The following ARHGAP15 variants were observed in gnomAD, a reference collection of about 807,000 sequenced individuals.
ARHGAP15 encodes the protein rho GTPase-activating protein 15.
Under a neutral mutation model 63.7 loss-of-function variants are expected in ARHGAP15, and 51 were observed. The ratio of observed to expected loss-of-function variants is 0.80; its 90% CI spans 0.64 to 1.01. ARHGAP15 has a LOEUF of 1.01. ARHGAP15 is among the 50% of genes least tolerant of loss of function. The probability of loss-of-function intolerance (pLI) is 0.00; values close to 1 mark genes in which losing one functional copy is unlikely to be tolerated. For missense variants in ARHGAP15, 560 were observed against 564.6 expected, an observed-to-expected ratio of 0.99 and a Z score of 0.08; for synonymous variants, 191 against 193.8, an observed-to-expected ratio of 0.99 and a Z score of 0.12.
chr2:143,565,884 A>C (rs185329379), intron 11 of ARHGAP15, among the ~76,000 whole-genome samples: 3 of 152,276 alleles, frequency 2.0e-5, no homozygotes, highest in Admixed American at 6.5e-5. Flanking sequence ...TTTTGAAAGC[A>C]TGTCTTTTGT....
intron 2 of ARHGAP15, among the ~76,000 whole-genome samples, chr2:143,175,322 C>T (rs556697513): frequency 1.3e-5 from 2 of 152,124 alleles, no homozygotes; most frequent in African/African-American, 4.8e-5. Flanking sequence ...GTATTAACCA[C>T]ATAGTAAGTT....
intron 6 of ARHGAP15, among the ~76,000 whole-genome samples, chr2:143,320,678 G>A (rs751179998): frequency 1.3e-5 from 2 of 151,434 alleles, no homozygotes; most frequent in Non-Finnish European, 2.9e-5. Flanking sequence ...ACTAGACAGG[G>A]AAGCTTGGGA....
At chr2:143,570,168 C>A (rs1696394435) in intron 11 of ARHGAP15, among the ~76,000 whole-genome samples, 1 of 152,094 alleles carries the variant, frequency 6.6e-6, no homozygotes, top group African/African-American at 2.4e-5. Context: ...ATGAAGTAAT[C>A]TATTGTAATA....
chr2:143,729,857 T>C (rs1685449001), intron 13 of ARHGAP15, among the ~76,000 whole-genome samples: 1 of 152,224 alleles, frequency 6.6e-6, no homozygotes, highest in Non-Finnish European at 1.5e-5. Flanking sequence ...TCTTGACTAG[T>C]CTTCCATTTA....
At chr2:143,537,615 G>T (rs990168569) in intron 10 of ARHGAP15, among the ~76,000 whole-genome samples, 1 of 152,154 alleles carries the variant, frequency 6.6e-6, no homozygotes, top group South Asian at 2.1e-4. Context: ...AGTTTTCCCA[G>T]CACCATTTAT....
intron 6 of ARHGAP15, among the ~76,000 whole-genome samples, chr2:143,281,931 T>C (rs1681870983): frequency 6.6e-6 from 1 of 152,266 alleles, no homozygotes; most frequent in East Asian, 1.9e-4. Flanking sequence ...ATTCATAAGC[T>C]TATGTAACTC....
At chr2:143,218,223 A>G (rs1178674113) in intron 4 of ARHGAP15, among the ~76,000 whole-genome samples, 1 of 148,752 alleles carries the variant, frequency 6.7e-6, no homozygotes, top group African/African-American at 2.5e-5. Context: ...CACTTTGCAT[A>G]CCATTATGCA....
At chr2:143,202,244 A>C in intron 3 of ARHGAP15, 42 bp downstream of exon 3, 1 of 1,519,768 alleles carries the variant, frequency 6.6e-7, no homozygotes, top group Non-Finnish European at 9.1e-7. Context: ...ACTGATACAA[A>C]ATAAATTGCC....
chr2:143,415,871 C>G (rs117235867), intron 6 of ARHGAP15, among the ~76,000 whole-genome samples: 2 of 152,014 alleles, frequency 1.3e-5, no homozygotes, highest in African/African-American at 2.4e-5. Context: ...AAGTAACTCC[C>G]GAATGGAAAA....
At chr2:143,593,415 G>A (rs567022010) in intron 11 of ARHGAP15, 12 of 152,248 alleles carry the variant, frequency 7.9e-5, no homozygotes, top group African/African-American at 2.9e-4. Context: ...CAAATGTTTT[G>A]AAGATTAAAA....
At chr2:143,413,964 T>TGCGCGC (rs1263567075) in intron 6 of ARHGAP15, among the ~76,000 whole-genome samples, 5 of 67,026 alleles carry the variant, frequency 7.5e-5, no homozygotes, top group Admixed American at 3.9e-4. Context: ...TGTGTGTGTG[T>TGCGCGC]GTGCGCGCTC....
chr2:143,221,124 C>A (rs1692979974), intron 4 of ARHGAP15, among the ~76,000 whole-genome samples: 1 of 152,080 alleles, frequency 6.6e-6, no homozygotes, highest in African/African-American at 2.4e-5. Flanking sequence ...CCAGGTACTT[C>A]AATTGTCACT....
intron 6 of ARHGAP15, among the ~76,000 whole-genome samples, chr2:143,319,518 G>A (rs1045818181): frequency 1.3e-5 from 2 of 152,154 alleles, no homozygotes; most frequent in Admixed American, 6.6e-5. Flanking sequence ...CACCGCACCT[G>A]GCCAGGTCCC....
intron 13 of ARHGAP15, among the ~76,000 whole-genome samples, chr2:143,764,480 G>C (rs1320296987): frequency 6.6e-6 from 1 of 152,160 alleles, no homozygotes; most frequent in Non-Finnish European, 1.5e-5. Context: ...TCCAAGACCA[G>C]GTCTTTTGCT....
intron 6 of ARHGAP15, among the ~76,000 whole-genome samples, chr2:143,386,794 C>A (rs1251694935): frequency 6.6e-6 from 1 of 152,022 alleles, no homozygotes; most frequent in Non-Finnish European, 1.5e-5. Flanking sequence ...AGTTATAAAA[C>A]ATTAATTCCT....
intron 11 of ARHGAP15, among the ~76,000 whole-genome samples, chr2:143,590,797 G>A (rs1375813102): frequency 6.6e-6 from 1 of 152,034 alleles, no homozygotes; most frequent in African/African-American, 2.4e-5. Flanking sequence ...TTGTTCCAGT[G>A]GATATTTGTT....
intron 6 of ARHGAP15, among the ~76,000 whole-genome samples, chr2:143,336,638 G>T (rs1228369201): frequency 6.6e-6 from 1 of 152,034 alleles, no homozygotes; most frequent in Non-Finnish European, 1.5e-5. Flanking sequence ...GGTATGAAAG[G>T]CCCCAGGGAA....
At chr2:143,310,921 A>G (rs1683415839) in intron 6 of ARHGAP15, among the ~76,000 whole-genome samples, 1 of 152,020 alleles carries the variant, frequency 6.6e-6, no homozygotes, top group Non-Finnish European at 1.5e-5. Context: ...CATACTTCTT[A>G]AATATGATGA....
intron 11 of ARHGAP15, among the ~76,000 whole-genome samples, chr2:143,596,964 C>A (rs900776232): frequency 3.3e-5 from 5 of 152,016 alleles, no homozygotes; most frequent in African/African-American, 1.2e-4. Context: ...CCTCTAAGGA[C>A]CTTCACTAAG....
Sources: gnomAD v4.1 joint callset for allele counts (sites outside exome capture counted in the v4.1 genomes callset) on GRCh38, gnomAD v4.1.1 for gene constraint, MANE v1.5 for transcripts, NCBI Gene and HGNC (gene_info 2026-07-23, HGNC 2026-07-21) for gene names.